DCC: variants seen among roughly 807,000 people sequenced by gnomAD.
DCC encodes the protein netrin receptor DCC.
Under a neutral mutation model 172.5 loss-of-function variants are expected in DCC, and 58 were observed. The ratio of observed to expected loss-of-function variants is 0.34; its 90% CI spans 0.27 to 0.42. The LOEUF is 0.42. Among genes scored for constraint, DCC ranks in the 10% least tolerant of loss-of-function variants. DCC has a pLI of 1.00. For synonymous variants in DCC, 709 were observed against 644.5 expected (o/e 1.10, Z -1.52); for missense variants, 1,740 against 1,791.0 (o/e 0.97, Z 0.51).
chr18:52,922,489 C>T (rs764863497), intron 3 of DCC, among the ~76,000 whole-genome samples: 3 of 152,110 alleles, frequency 2.0e-5, no homozygotes, highest in South Asian at 4.1e-4. Context: ...CTCCTCACCC[C>T]GATCCTAGTT....
intron 3 of DCC, among the ~76,000 whole-genome samples, chr18:52,911,921 T>C (rs891432074): frequency 6.6e-6 from 1 of 152,000 alleles, no homozygotes; most frequent in Non-Finnish European, 1.5e-5. Context: ...TATGATCTTA[T>C]TGTATTTAAG....
intron 14 of DCC, among the ~76,000 whole-genome samples, chr18:53,336,506 T>C (rs539094279): frequency 5.9e-5 from 9 of 152,294 alleles, no homozygotes; most frequent in African/African-American, 2.2e-4. Flanking sequence ...TTAGGTCTAA[T>C]ACTACCTTGA....
At chr18:52,871,539 C>T (rs548698956) in intron 2 of DCC, among the ~76,000 whole-genome samples, 1 of 152,314 alleles carries the variant, frequency 6.6e-6, no homozygotes, top group African/African-American at 2.4e-5. Flanking sequence ...TCATAGTTCA[C>T]TGCCACCTTG....
intron 1 of DCC, among the ~76,000 whole-genome samples, chr18:52,466,056 T>C (rs1171633217): frequency 1.3e-5 from 2 of 152,200 alleles, no homozygotes; most frequent in East Asian, 1.9e-4. Flanking sequence ...GAATGGATTA[T>C]TGAATTGTGT....
At chr18:53,054,141 C>T (rs539850203) in intron 5 of DCC, among the ~76,000 whole-genome samples, 1 of 152,076 alleles carries the variant, frequency 6.6e-6, no homozygotes, top group East Asian at 1.9e-4. Flanking sequence ...CTAGATTACT[C>T]ATACTTAATG....
chr18:52,643,780 T>A (rs868510116), intron 1 of DCC, among the ~76,000 whole-genome samples: 24 of 152,134 alleles, frequency 1.6e-4, no homozygotes, highest in African/African-American at 5.8e-4. Context: ...GGGTCATGAG[T>A]GCCAAGAACT....
chr18:53,108,794 G>T (rs749075983), intron 7 of DCC, among the ~76,000 whole-genome samples: 1 of 151,534 alleles, frequency 6.6e-6, no homozygotes, highest in Non-Finnish European at 1.5e-5. Flanking sequence ...GTGTTTCATG[G>T]TATCAGTATA....
chr18:52,672,200 G>T (rs1394420490), intron 1 of DCC, among the ~76,000 whole-genome samples: 1 of 152,120 alleles, frequency 6.6e-6, no homozygotes, highest in Non-Finnish European at 1.5e-5. Context: ...AAAGGTCTGT[G>T]ATTTGTTAGA....
chr18:52,459,735 C>T (rs1464599819), intron 1 of DCC, among the ~76,000 whole-genome samples: 1 of 151,982 alleles, frequency 6.6e-6, no homozygotes, highest in Non-Finnish European at 1.5e-5. Flanking sequence ...TCCCAAAGTC[C>T]TGGGATTACA....
intron 1 of DCC, among the ~76,000 whole-genome samples, chr18:52,343,195 T>A (rs1983732865): frequency 6.6e-6 from 1 of 152,226 alleles, no homozygotes; most frequent in South Asian, 2.1e-4. Flanking sequence ...TTAATCTGAG[T>A]ATCACTTCTT....
chr18:52,659,452 A>G (rs1368622544), intron 1 of DCC, among the ~76,000 whole-genome samples: 2 of 152,190 alleles, frequency 1.3e-5, no homozygotes, highest in Non-Finnish European at 2.9e-5. Flanking sequence ...AATGAAGATC[A>G]CTTGGATTCT....
intron 1 of DCC, among the ~76,000 whole-genome samples, chr18:52,691,770 A>G (rs952597367): frequency 2.6e-5 from 4 of 151,982 alleles, no homozygotes; most frequent in Non-Finnish European, 4.4e-5. Context: ...GCACAGTTTA[A>G]CTCACCACAT....
At chr18:52,893,746 CAT>C (rs1304373440) in intron 2 of DCC, among the ~76,000 whole-genome samples, 1 of 152,034 alleles carries the variant, frequency 6.6e-6, no homozygotes, top group Non-Finnish European at 1.5e-5. Context: ...ATACCGGAAA[CAT>C]ATGTTACTAT....
chr18:53,408,838 G>A (rs948199171), intron 19 of DCC, among the ~76,000 whole-genome samples: 1 of 152,162 alleles, frequency 6.6e-6, no homozygotes, highest in Non-Finnish European at 1.5e-5. Flanking sequence ...TTTCAGCATT[G>A]TTCAAAATTT....
chr18:53,104,366 A>T (rs142183501), intron 7 of DCC, among the ~76,000 whole-genome samples: 5,521 of 152,070 alleles, frequency 0.036, 127 homozygotes, highest in Non-Finnish European at 0.049. Flanking sequence ...AGAGTGAATA[A>T]GTCTCACAAG....
At chr18:53,505,367 A>G (rs2046159116) in intron 27 of DCC, 1 of 152,258 alleles carries the variant, frequency 6.6e-6, no homozygotes, top group Admixed American at 6.5e-5. Context: ...AAAGAAGTAT[A>G]TAAGAGTTTA....
At chr18:53,315,751 G>A (rs2057336225) in intron 13 of DCC, among the ~76,000 whole-genome samples, 1 of 151,800 alleles carries the variant, frequency 6.6e-6, no homozygotes, top group Admixed American at 6.6e-5. Context: ...TTGGCCCCAG[G>A]AATGTCTTCT....
chr18:52,397,107 A>G (rs2144364097), intron 1 of DCC, among the ~76,000 whole-genome samples: 1 of 152,144 alleles, frequency 6.6e-6, no homozygotes, highest in East Asian at 1.9e-4. Context: ...TATGTATACT[A>G]CATCTTTTTC....
At chr18:52,822,982 A>G (rs1458703560) in intron 2 of DCC, among the ~76,000 whole-genome samples, 22 of 152,184 alleles carry the variant, frequency 1.4e-4, no homozygotes, top group Non-Finnish European at 1.5e-5. Flanking sequence ...TTAAATAGCT[A>G]GAATTTATAA....
Sources: gnomAD v4.1 joint callset for allele counts (sites outside exome capture counted in the v4.1 genomes callset) on GRCh38, gnomAD v4.1.1 for gene constraint, MANE v1.5 for transcripts, NCBI Gene and HGNC (gene_info 2026-07-23, HGNC 2026-07-21) for gene names.